Variants in RTCA observed in about 807,000 individuals in gnomAD.
RTCA encodes the protein RNA 3'-terminal phosphate cyclase, also known as RNA terminal phosphate cyclase domain 1.
A neutral mutation model predicts 46.1 loss-of-function variants in RTCA; 37 were observed. That is an observed-to-expected ratio of 0.80 (90% CI 0.62 to 1.06). The LOEUF is 1.06. Among genes scored for constraint, RTCA ranks in the 50% least tolerant of loss-of-function variants. The pLI, the probability that RTCA is intolerant of heterozygous loss-of-function variation, is 0.00. For missense variants in RTCA, 435 were observed against 455.5 expected (o/e 0.95, Z 0.41); for synonymous variants, 164 against 158.3 (o/e 1.04, Z -0.27).
intron 10 of RTCA, among the ~76,000 whole-genome samples, chr1:100,289,739 A>G (rs1314845610): frequency 6.6e-6 from 1 of 152,132 alleles, no homozygotes; most frequent in Non-Finnish European, 1.5e-5. Flanking sequence ...TACATAACGG[A>G]AAGTGCTATG....
intron 5 of RTCA, 93 bp from the exon 6 acceptor site, chr1:100,274,731 T>C: frequency 7.9e-7 from 1 of 1,272,888 alleles, no homozygotes; most frequent in Admixed American, 2.4e-5. Flanking sequence ...GATTACATGT[T>C]TGGATATCAT....
At chr1:100,272,421 C>T (rs1026137592) in intron 4 of RTCA, among the ~76,000 whole-genome samples, 2 of 152,018 alleles carry the variant, frequency 1.3e-5, no homozygotes, top group Non-Finnish European at 2.9e-5. Context: ...GACCCCATCT[C>T]TAAAATAAAA....
chr1:100,283,175 T>A (rs893698208), intron 8 of RTCA, among the ~76,000 whole-genome samples: 6 of 150,082 alleles, frequency 4.0e-5, no homozygotes, highest in Admixed American at 3.3e-4. Context: ...TTTTTTTTTT[T>A]TTTTTTTTAA....
intron 9 of RTCA, among the ~76,000 whole-genome samples, chr1:100,286,371 G>A (rs1043080179): frequency 7.5e-5 from 11 of 146,966 alleles, no homozygotes; most frequent in South Asian, 2.3e-4. Context: ...GGAGAAAGGC[G>A]TGAACCTGGG....
In RTCA at chr1:100,266,526, CG is replaced by C; in HGVS notation, c.50del (p.Gly17AlafsTer4). On this transcript the variant is annotated frameshift_variant, in exon 2 of 11. Transcript: ENST00000370128. LOFTEE classifies it high-confidence loss of function. ...EVDGSIMEGG[G>X]QILRVSTALS... The stretch of plus-strand genomic sequence containing the variant: ...TCCCTGTACCCCAACCTTTGCAGGG[CG>C]GCCAGATCCTGAGAGTCTCTACGGC... 1 of 1,612,874 alleles carries C rather than the reference CG, an allele frequency of 6.2e-7. No individual in the cohort carries two copies. Among genetic ancestry groups the C allele is most frequent in the Non-Finnish European group, 8.5e-7 (1 of 1,178,978 alleles).
At chr1:100,283,321 C>T (rs1369025367) in intron 8 of RTCA, among the ~76,000 whole-genome samples, 2 of 152,020 alleles carry the variant, frequency 1.3e-5, no homozygotes, top group African/African-American at 2.4e-5. Flanking sequence ...CAATCGCACA[C>T]AACCATGCCT....
At chr1:100,280,218 C>T (rs550183373) in intron 8 of RTCA, among the ~76,000 whole-genome samples, 2 of 152,242 alleles carry the variant, frequency 1.3e-5, no homozygotes, top group East Asian at 1.9e-4. Context: ...ATATATTTAC[C>T]TCTTGTGAAT....
intron 4 of RTCA, among the ~76,000 whole-genome samples, chr1:100,272,325 A>G (rs919312689): frequency 3.3e-5 from 5 of 152,172 alleles, no homozygotes; most frequent in Non-Finnish European, 7.4e-5. Flanking sequence ...GTGTGTGCCT[A>G]TAGTCCCAGC....
chr1:100,289,255 A>C (rs1274794213), intron 10 of RTCA, among the ~76,000 whole-genome samples: 1 of 152,000 alleles, frequency 6.6e-6, no homozygotes, highest in Middle Eastern at 3.2e-3. Flanking sequence ...CAGCCTATCA[A>C]GTAGCTAGGA....
chr1:100,280,818 A>G (rs886167006), intron 8 of RTCA, among the ~76,000 whole-genome samples: 6 of 152,220 alleles, frequency 3.9e-5, no homozygotes, highest in South Asian at 2.1e-4. Context: ...TCTGGGCAAC[A>G]TGGCGAAACC....
intron 4 of RTCA, among the ~76,000 whole-genome samples, chr1:100,272,003 T>C (rs1012806306): frequency 6.6e-6 from 1 of 152,220 alleles, no homozygotes; most frequent in African/African-American, 2.4e-5. Flanking sequence ...ATGTTGCTTG[T>C]ATCTGCAATG....
intron 9 of RTCA, among the ~76,000 whole-genome samples, chr1:100,285,720 A>G (rs146252517): frequency 6.6e-6 from 1 of 152,254 alleles, no homozygotes; most frequent in East Asian, 1.9e-4. Context: ...CCTGGTTTCA[A>G]GTGATCCTCC....
intron 10 of RTCA, among the ~76,000 whole-genome samples, chr1:100,287,600 G>A (rs971757633): frequency 6.6e-6 from 1 of 151,994 alleles, no homozygotes; most frequent in Non-Finnish European, 1.5e-5. Context: ...AATCACAAGG[G>A]ATTCATAGTT....
intron 8 of RTCA, among the ~76,000 whole-genome samples, chr1:100,277,708 T>G (rs562577794): frequency 6.6e-6 from 1 of 152,270 alleles, no homozygotes; most frequent in African/African-American, 2.4e-5. Flanking sequence ...TTTTTACACC[T>G]GAAGAATTTG....
At chr1:100,289,200 C>T (rs1667217079) in intron 10 of RTCA, among the ~76,000 whole-genome samples, 2 of 152,172 alleles carry the variant, frequency 1.3e-5, no homozygotes, top group Non-Finnish European at 2.9e-5. Context: ...AGTATCATAG[C>T]TCACAGTAGC....
rs1665763205 is a variant in RTCA at position 100,266,274 on chromosome 1, T to A, written c.-102T>A. 7 of 1,447,024 alleles carry A rather than the reference T, an allele frequency of 4.8e-6. No individual in the cohort carries two copies. In the South Asian group the frequency reaches 7.4e-5, roughly 15 times the overall value. 89.6% of individuals were successfully genotyped at this position (1,447,024 alleles called of 1,614,324 possible). ...TCGTCAGGCTCCTGCGCCCCAGGCATGAACCAAGGTTTCTGAACTACTGGG... is the reference window on the plus strand; with the variant it reads ...TCGTCAGGCTCCTGCGCCCCAGGCAAGAACCAAGGTTTCTGAACTACTGGG... On this transcript the variant is annotated 5_prime_UTR_variant, in exon 1 of 11. An upstream start codon of the reference 5' UTR is lost. Coordinates refer to ENST00000370128, the MANE Select transcript of RTCA (RefSeq NM_003729.4).
At chr1:100,279,228 C>G (rs929310553) in intron 8 of RTCA, among the ~76,000 whole-genome samples, 1 of 152,124 alleles carries the variant, frequency 6.6e-6, no homozygotes, top group African/African-American at 2.4e-5. Context: ...GTACTGTGTA[C>G]TAGGGATTCA....
chr1:100,272,629 T>C lies in RTCA; in HGVS notation c.415-765T>C, dbSNP rs1387776406. On this transcript the variant is annotated intron_variant, in intron 4 of 10. Transcript: ENST00000370128. ...TAGAGTAGATCTCAAAGAGTTGCCT[T>C]AGACATCAGGCTTAAACACCATCTT... Among the ~76,000 whole-genome samples, 4 of 151,180 alleles carry C rather than the reference T, an allele frequency of 2.6e-5. No individual in the cohort carries two copies. In the East Asian group the frequency reaches 5.9e-4, roughly 22 times the overall value.
At chr1:100,268,556 C>T (rs542370987) in intron 3 of RTCA, among the ~76,000 whole-genome samples, 2 of 152,130 alleles carry the variant, frequency 1.3e-5, no homozygotes, top group East Asian at 3.9e-4. Context: ...GCACCATGCC[C>T]CGCTAATTTT....
Sources: gnomAD v4.1 joint callset for allele counts (sites outside exome capture counted in the v4.1 genomes callset) on GRCh38, gnomAD v4.1.1 for gene constraint, MANE v1.5 for transcripts, NCBI Gene and HGNC (gene_info 2026-07-23, HGNC 2026-07-21) for gene names.